The following KIDINS220 variants were observed in gnomAD, a reference collection of about 807,000 sequenced individuals.
The protein encoded by KIDINS220 is kinase D-interacting substrate of 220 kDa.
In KIDINS220, 63 loss-of-function variants were observed where a neutral mutation model predicts 157.6. That is an observed-to-expected ratio of 0.40 (90% confidence interval 0.33 to 0.49). The LOEUF is 0.49. KIDINS220 is among the 20% of genes least tolerant of loss of function. KIDINS220 has a pLI of 0.66. For synonymous variants in KIDINS220, 732 were observed against 783.6 expected (o/e 0.93, Z 1.10); for missense variants, 1,772 against 2,171.2 (o/e 0.82, Z 3.65).
At chr2:8,738,583 C>G (rs371671119) in intron 26 of KIDINS220, among the ~76,000 whole-genome samples, 4 of 152,286 alleles carry the variant, frequency 2.6e-5, no homozygotes, top group African/African-American at 9.6e-5. Context: ...ATATACAGTC[C>G]CCTTGTAATC....
Position 8,730,093 on chromosome 2 carries a change from G to A in KIDINS220, c.*627C>T. Reference sequence around the variant, plus strand: ...TCTACTCTCCTAACAGCTCAGGACAGCCCCGTCACACTACTGCCAGCCCTG... The same window carrying A: ...TCTACTCTCCTAACAGCTCAGGACAACCCCGTCACACTACTGCCAGCCCTG... On this transcript the variant is annotated 3_prime_UTR_variant, in exon 30 of 30. Coordinates refer to ENST00000256707, the MANE Select transcript of KIDINS220 (RefSeq NM_020738.4). The A allele has an allele frequency of 2.0e-6, 2 of 985,798 alleles. No individual in the cohort carries two copies. The highest frequency in any genetic ancestry group is 2.4e-6 in the Non-Finnish European group (2 of 830,238). The allele number at this position is 985,798 out of a possible 1,614,324, so 61.1% of individuals were successfully genotyped here. A position where few individuals can be genotyped will look rare whatever the true frequency, so the allele number is the denominator to read the frequency against.
Position 8,776,761 on chromosome 2 carries a change from A to C in KIDINS220, c.2835T>G (p.Ile945Met), listed in dbSNP as rs1671015786. 1 of 1,613,472 alleles carries C rather than the reference A, an allele frequency of 6.2e-7. No homozygotes were observed. The highest frequency in any genetic ancestry group is 8.5e-7 in the Non-Finnish European group (1 of 1,179,796). ...GACAAAAGTCACCTGTCACAGAAAC[A>C]ATATTAAGTAATCTTCTCATGGTCT... is the stretch of plus-strand genomic sequence containing the variant. ...SPQTMRRLLN[I>M]VSVTGRLLRA... is the part of the protein sequence containing the mutation. The change falls in exon 21 of 30, where the codon ATT becomes ATG. Residue 945 changes from isoleucine to methionine, a missense_variant. Physicochemically the swap from Ile to Met is conservative, Grantham distance 10 (BLOSUM62 1). Around this residue, in one of 3 missense-constraint regions of KIDINS220, gnomAD observed 725 missense variants for 1,017.1 expected, o/e 0.71. Transcript: ENST00000256707.
chr2:8,729,889 T>A lies in KIDINS220; in HGVS notation c.*831A>T. 1 of 983,146 alleles carries A rather than the reference T, an allele frequency of 1.0e-6. No homozygotes were observed. The allele number at this position is 983,146 out of a possible 1,614,324, so 60.9% of individuals were successfully genotyped here. On this transcript the variant is annotated 3_prime_UTR_variant, in exon 30 of 30. Coordinates refer to ENST00000256707, the MANE Select transcript of KIDINS220 (RefSeq NM_020738.4). ...TGATTTTCCAGAAAAAGAATTCATG[T>A]TTTTTTTTCTTCTCATTGCTAAGCT...
chr2:8,779,152 A>G lies in KIDINS220; in HGVS notation c.2371-13T>C. On this transcript the variant is annotated splice_polypyrimidine_tract_variant and intron_variant, in intron 18 of 29. Coordinates refer to ENST00000256707, the MANE Select transcript of KIDINS220 (RefSeq NM_020738.4). ...ACAGAACTCGGACCTGTGGCAGAAG[A>G]AATGTACAGTTGTGACATACATTTT... is the stretch of plus-strand genomic sequence containing the variant. The G allele has an allele frequency of 6.2e-7, 1 of 1,610,718 alleles. No homozygotes were observed.
Position 8,747,126 on chromosome 2 carries a change from C to A in KIDINS220, c.3585+19G>T. On this transcript the variant is annotated intron_variant, in intron 26 of 29. Transcript: ENST00000256707. ...GCAATGAGATGCCAGCGATCCACAC[C>A]ACAGGACTACTCCATTACCCTCGAG... is the stretch of plus-strand genomic sequence containing the variant. 1 of 1,612,130 alleles carries A rather than the reference C, an allele frequency of 6.2e-7. No individual in the cohort carries two copies. Among genetic ancestry groups the A allele is most frequent in the Non-Finnish European group, 8.5e-7 (1 of 1,178,158 alleles).
chr2:8,763,444 G>C (rs1486676413), intron 22 of KIDINS220, among the ~76,000 whole-genome samples: 1 of 152,134 alleles, frequency 6.6e-6, no homozygotes, highest in East Asian at 1.9e-4. Context: ...TTTCAGATTT[G>C]GGGGCATTTC....
rs780634482 is a variant in KIDINS220 at position 8,731,428 on chromosome 2, C to T, written c.4608G>A (p.Leu1536=). 3.1e-6 allele frequency: 5 copies of T among 1,614,048 alleles called. No individual in the cohort carries two copies. The African/African-American group carries it at 6.7e-5, about 22-fold the overall frequency. The part of the protein sequence containing the change: ...SGTEESDNTP[L]LKDDKDRKAE... ...CTTTTCTGTCTTTGTCATCTTTGAG[C>T]AGTGGAGTGTTATCTGATTCTTCTG... The change falls in exon 30 of 30, where the codon CTG becomes CTA. Residue 1536 remains leucine, a synonymous_variant. Coordinates refer to ENST00000256707, the MANE Select transcript of KIDINS220 (RefSeq NM_020738.4). This position sits in a 1 kb window ranked among gnomAD's most constrained non-coding sequence, Gnocchi z 5.2.
chr2:8,829,625 G>A (rs1445411474), intron 1 of KIDINS220, among the ~76,000 whole-genome samples: 1 of 152,040 alleles, frequency 6.6e-6, no homozygotes, highest in African/African-American at 2.4e-5. Flanking sequence ...CATGATAGAA[G>A]AAGTGAGGTA....
chr2:8,809,350 T>C (rs1461330370), intron 6 of KIDINS220, among the ~76,000 whole-genome samples: 4 of 152,060 alleles, frequency 2.6e-5, no homozygotes, highest in African/African-American at 7.2e-5. Context: ...AGTTCTTTCT[T>C]TTCTTCCTGA....
intron 26 of KIDINS220, 80 bp from the exon 27 acceptor site, chr2:8,737,079 T>A: frequency 7.3e-7 from 1 of 1,372,040 alleles, no homozygotes; most frequent in African/African-American, 1.4e-5. Flanking sequence ...AGAGAAAAAC[T>A]CATTAAGTTA....
chr2:8,749,344 T>C (rs989818617), intron 24 of KIDINS220: 4 of 449,978 alleles, frequency 8.9e-6, no homozygotes, highest in South Asian at 3.2e-5. Context: ...AAGAGGGAGA[T>C]AGCAAAAATA....
intron 1 of KIDINS220, among the ~76,000 whole-genome samples, chr2:8,833,479 CT>C (rs34083774): frequency 0.49 from 62,599 of 128,794 alleles, 15,630 homozygotes; most frequent in East Asian, 0.59. Flanking sequence ...TTAAATTTGT[CT>C]TTTTTTTTTT....
downstream of KIDINS220, chr2:8,721,135 A>G (rs1662936425): frequency 6.6e-6 from 1 of 152,162 alleles, no homozygotes; most frequent in Non-Finnish European, 1.5e-5. Context: ...CAGCAGTAAT[A>G]ATTTTTAAAA....
In KIDINS220 at chr2:8,788,735, G is replaced by A; in HGVS notation, c.1699C>T (p.His567Tyr). The change falls in exon 15 of 30, where the codon CAT becomes TAT. Residue 567 changes from histidine (H) to tyrosine (Y), a missense_variant. Transcript: ENST00000256707. The stretch of plus-strand genomic sequence containing the variant: ...AGGAGGAGTTCCAAATATCCAATAT[G>A]TCTTGCCAATCTAGTGCTGAGGACC... ...AWVLSTRLAR[H>Y]IGYLELLLKL... 1 of 1,614,054 alleles carries A rather than the reference G, an allele frequency of 6.2e-7. No individual in the cohort carries two copies. Among genetic ancestry groups the A allele is most frequent in the Non-Finnish European group, 8.5e-7 (1 of 1,179,928 alleles).
chr2:8,753,986 T>A (rs1225243948), intron 22 of KIDINS220, among the ~76,000 whole-genome samples: 1 of 152,238 alleles, frequency 6.6e-6, no homozygotes, highest in Admixed American at 6.5e-5. Flanking sequence ...GTGTTCAAAC[T>A]GATTATTAAA....
At chr2:8,742,586 A>G (rs1665776338) in intron 26 of KIDINS220, among the ~76,000 whole-genome samples, 1 of 152,224 alleles carries the variant, frequency 6.6e-6, no homozygotes, top group Non-Finnish European at 1.5e-5. Context: ...CTTTGTGCTA[A>G]TTATTGTCAT....
chr2:8,826,169 A>G (rs1256406579), intron 2 of KIDINS220, among the ~76,000 whole-genome samples: 1 of 152,228 alleles, frequency 6.6e-6, no homozygotes, highest in Non-Finnish European at 1.5e-5. Context: ...CATTGAGGAG[A>G]AATATCTCAT....
At chr2:8,726,495 T>C (rs1013736572), downstream of KIDINS220, among the ~76,000 whole-genome samples, 1 of 152,260 alleles carries the variant, frequency 6.6e-6, no homozygotes, top group African/African-American at 2.4e-5. Flanking sequence ...AATTCTCTAA[T>C]TGGTGAGAAC....
At chr2:8,826,812 T>C (rs1678876647) in intron 2 of KIDINS220, 174 bp downstream of exon 2, 1 of 374,660 alleles carries the variant, frequency 2.7e-6, no homozygotes, top group South Asian at 1.0e-4. Context: ...AGTTAAAATG[T>C]ACTCCAAAAA....
Sources: gnomAD v4.1 joint callset for allele counts (sites outside exome capture counted in the v4.1 genomes callset) on GRCh38, gnomAD v4.1.1 for gene constraint, gnomAD v4.1.1 regional missense constraint, Gnocchi (gnomAD v3.1) non-coding constraint, MANE v1.5 for transcripts, NCBI Gene and HGNC (gene_info 2026-07-23, HGNC 2026-07-21) for gene names.